The following LY75 variants were observed in gnomAD, a reference collection of about 807,000 sequenced individuals.
The protein encoded by LY75 is C-type lectin domain family 13 member B.
LY75 carries 185 observed loss-of-function variants against 231.7 expected under a neutral mutation model. The observed-to-expected ratio is 0.80, with a 90% confidence interval of 0.71 to 0.90. The LOEUF is 0.90. Ranked by LOEUF, LY75 falls within the 40% of genes least tolerant of loss-of-function variation. The pLI is 0.00. For missense variants in LY75, 1,947 were observed against 2,050.2 expected, an observed-to-expected ratio of 0.95 and a Z score of 0.97; for synonymous variants, 668 against 689.0, an observed-to-expected ratio of 0.97 and a Z score of 0.48.
chr2:159,887,566 C>CAAAGAAAAAAAAAAA (rs1685629941), intron 4 of LY75, among the ~76,000 whole-genome samples: 1 of 103,828 alleles, frequency 9.6e-6, no homozygotes, highest in Non-Finnish European at 1.8e-5. Context: ...TCAACAACAA[C>CAAAGAAAAAAAAAAA]AAAAAAAAAA....
chr2:159,821,132 C>T (rs993951959), intron 28 of LY75, among the ~76,000 whole-genome samples: 1 of 152,096 alleles, frequency 6.6e-6, no homozygotes, highest in East Asian at 1.9e-4. Context: ...GCCACCGTGC[C>T]TGGCCAGTCA....
chr2:159,872,663 T>A (rs923813995), intron 12 of LY75, 70 bp from the exon 13 acceptor site: 17 of 1,535,732 alleles, frequency 1.1e-5, no homozygotes, highest in African/African-American at 5.5e-5. Context: ...TAAAGTCAAT[T>A]ACTGTCACAT....
chr2:159,817,820 G>C (rs1182055977), intron 29 of LY75, among the ~76,000 whole-genome samples: 1 of 152,116 alleles, frequency 6.6e-6, no homozygotes, highest in Non-Finnish European at 1.5e-5. Context: ...GGCCAAGGCG[G>C]GGGGATCACC....
In LY75 at chr2:159,875,553, A is replaced by G. The variant is rs1272674071; in HGVS notation, c.1865T>C (p.Ile622Thr). Residue 622 changes from isoleucine to threonine, a missense_variant, in exon 12 of 35, where the codon ATT becomes ACT. Coordinates refer to ENST00000263636, the MANE Select transcript of LY75 (RefSeq NM_002349.4). The stretch of plus-strand genomic sequence containing the variant: ...AAGGGGTCCACTCATTTTCTTGCAA[A>G]TTGAAAGTGCTTTGAAGCTTCTGCA... ...KDCRSFKALS[I>T]CKKMSGPLGP... 6.2e-7 allele frequency: 1 copy of G among 1,614,080 alleles called. No homozygotes were observed. Among genetic ancestry groups the G allele is most frequent in the Non-Finnish European group, 8.5e-7 (1 of 1,179,990 alleles).
chr2:159,898,641 T>G, intron 2 of LY75, 47 bp downstream of exon 2: 6 of 1,569,690 alleles, frequency 3.8e-6, no homozygotes, highest in Non-Finnish European at 5.2e-6. Flanking sequence ...ATGCCACATG[T>G]GACAAGCACA....
chr2:159,882,228 G>T lies in LY75; in HGVS notation c.1142C>A (p.Ser381Tyr). ...FCYLLVNESN[S>Y]WDKAHAKCKA... The stretch of plus-strand genomic sequence containing the variant: ...GCATTTCGCATGTGCCTTATCCCAG[G>T]AATTACTTTCATTTACCAGCAGATA... The change falls in exon 7 of 35, where the codon TCC (serine) becomes TAC (tyrosine). Residue 381 changes from serine to tyrosine, a missense_variant. By Grantham distance (144) the Ser-to-Tyr change is moderately radical. Transcript: ENST00000263636. 1 of 1,613,998 alleles carries T rather than the reference G, an allele frequency of 6.2e-7. No homozygotes were observed. The highest frequency in any genetic ancestry group is 2.2e-5 in the East Asian group (1 of 44,882).
intron 3 of LY75, among the ~76,000 whole-genome samples, chr2:159,891,156 T>C (rs1346683185): frequency 6.6e-6 from 1 of 152,164 alleles, no homozygotes; most frequent in Admixed American, 6.5e-5. Flanking sequence ...CTGGGGGACT[T>C]TCCAAAAGGC....
intron 13 of LY75, among the ~76,000 whole-genome samples, chr2:159,866,099 C>A (rs1444627975): frequency 6.6e-6 from 1 of 151,952 alleles, no homozygotes; most frequent in African/African-American, 2.4e-5. Flanking sequence ...ATGTAATATG[C>A]CTGTAAGTGT....
chr2:159,811,155 G>A (rs1458953876), intron 31 of LY75, among the ~76,000 whole-genome samples: 3 of 152,234 alleles, frequency 2.0e-5, no homozygotes, highest in South Asian at 2.1e-4. Context: ...GATTACAGGC[G>A]TGACCCCACA....
At chr2:159,885,009 G>C in intron 6 of LY75, 144 bp downstream of exon 6, 1 of 1,091,102 alleles carries the variant, frequency 9.2e-7, no homozygotes, top group Non-Finnish European at 1.3e-6. Context: ...CTAACCACAG[G>C]GTTAAAAATC....
At chr2:159,867,806 C>T (rs1684900871) in intron 13 of LY75, among the ~76,000 whole-genome samples, 1 of 152,122 alleles carries the variant, frequency 6.6e-6, no homozygotes, top group Admixed American at 6.6e-5. Flanking sequence ...CTATTTTTGC[C>T]CTACAGTGGC....
At chr2:159,828,052 C>G (rs892484604) in intron 28 of LY75, among the ~76,000 whole-genome samples, 1 of 150,668 alleles carries the variant, frequency 6.6e-6, no homozygotes, top group East Asian at 2.0e-4. Context: ...ATGTGTATAC[C>G]TATGTAACAA....
chr2:159,816,793 A>G lies in LY75; in HGVS notation c.4380+13T>C. The G allele has an allele frequency of 6.2e-7, 1 of 1,609,514 alleles. No homozygotes were observed. The highest frequency in any genetic ancestry group is 8.5e-7 in the Non-Finnish European group (1 of 1,177,250). On this transcript the variant is annotated intron_variant, in intron 30 of 34. Transcript: ENST00000263636. ...ACATTTGAAAAGTTTCTGGAAAACGAAGCAAGACTTACATCATGACTTGAG... is the reference window on the plus strand; with the variant it reads ...ACATTTGAAAAGTTTCTGGAAAACGGAGCAAGACTTACATCATGACTTGAG...
At position 159,868,728 on chromosome 2, in the gene LY75, T is replaced by C. The variant is rs549395894; in HGVS notation, c.2117+3723A>G. The stretch of plus-strand genomic sequence containing the variant: ...CACAAATATCTACAACCTCATTCAT[T>C]AGTACTTATCCATGGCTCCTCGTTC... On this transcript the variant is annotated intron_variant, in intron 13 of 34. Transcript: ENST00000263636. Among the ~76,000 whole-genome samples, 56 of 152,326 alleles carry C rather than the reference T, an allele frequency of 3.7e-4. 1 individual carries two copies. The highest frequency in any genetic ancestry group is 1.3e-3 in the African/African-American group (54 of 41,572).
intron 12 of LY75, among the ~76,000 whole-genome samples, chr2:159,874,852 T>TATATATTTTGTATATATAC (rs1560094293): frequency 7.7e-6 from 1 of 130,422 alleles, no homozygotes; most frequent in African/African-American, 2.9e-5. Flanking sequence ...TATGTAAATA[T>TATATATTTTGTATATATAC]ATATATATTT....
At position 159,806,972 on chromosome 2, in the gene LY75, C is replaced by A. The variant is rs1264685079; in HGVS notation, c.4990+1G>T. ...CTCCTAAGGACAGGTTCCATACTTA[C>A]CCAGAGGCACTTTGCAGACAACTCT... On this transcript the variant is annotated splice_donor_variant, in intron 34 of 34. Transcript: ENST00000263636. LOFTEE classifies it high-confidence loss of function. The A allele has an allele frequency of 6.2e-7, 1 of 1,611,586 alleles. No individual in the cohort carries two copies. The highest frequency in any genetic ancestry group is 1.7e-5 in the Admixed American group (1 of 59,872).
At chr2:159,885,525 T>C (rs1047712056) in intron 5 of LY75, among the ~76,000 whole-genome samples, 5 of 152,332 alleles carry the variant, frequency 3.3e-5, no homozygotes, top group Admixed American at 1.3e-4. Context: ...TGTAGTTAAT[T>C]TTAAAAACAA....
At chr2:159,838,653 C>T (rs977309660) in intron 25 of LY75, among the ~76,000 whole-genome samples, 5 of 152,254 alleles carry the variant, frequency 3.3e-5, no homozygotes, top group Admixed American at 3.3e-4. Context: ...TCACAACAGA[C>T]ACAACAAAGC....
At position 159,850,790 on chromosome 2, in the gene LY75, AT is replaced by A. The variant is rs1684369662; in HGVS notation, c.2884-324del. 3.1e-5 allele frequency among the ~76,000 whole-genome samples: 3 copies of A among 98,096 alleles called. 1 individual carries two copies. The highest frequency in any genetic ancestry group is 1.1e-4 in the African/African-American group (3 of 28,084). 64.4% of individuals were successfully genotyped at this position (98,096 alleles called of 152,430 possible). On this transcript the variant is annotated intron_variant, in intron 21 of 34. Transcript: ENST00000263636. The stretch of plus-strand genomic sequence containing the variant: ...CAAACTTTCATATATATATATATAT[AT>A]ATATATATTATATCTTATATATAAG...
Sources: gnomAD v4.1 joint callset for allele counts (sites outside exome capture counted in the v4.1 genomes callset) on GRCh38, gnomAD v4.1.1 for gene constraint, MANE v1.5 for transcripts, NCBI Gene and HGNC (gene_info 2026-07-23, HGNC 2026-07-21) for gene names.